The following NAV2 variants were observed in gnomAD, a reference collection of about 807,000 sequenced individuals.
NAV2 encodes the protein neuron navigator 2.
In NAV2, 54 loss-of-function variants were observed where a neutral mutation model predicts 223.2. That is an observed-to-expected ratio of 0.24 (90% CI 0.19 to 0.30). NAV2 has a LOEUF of 0.30. Ranked by LOEUF, NAV2 falls within the 10% of genes least tolerant of loss-of-function variation. NAV2 has a pLI of 1.00. For missense variants in NAV2, 2,806 were observed against 3,147.5 expected (o/e 0.89, Z 2.60); for synonymous variants, 1,279 against 1,239.3 (o/e 1.03, Z -0.67).
At chr11:20,023,699 G>GT (rs2054741738) in intron 11 of NAV2, among the ~76,000 whole-genome samples, 5 of 144,572 alleles carry the variant, frequency 3.5e-5, no homozygotes, top group Middle Eastern at 3.2e-3. Flanking sequence ...CAAATTGCTG[G>GT]GTGTGTGTGT....
intron 1 of NAV2, among the ~76,000 whole-genome samples, chr11:19,406,876 C>A (rs942726267): frequency 4.6e-5 from 7 of 152,238 alleles, no homozygotes; most frequent in Admixed American, 4.6e-4. Flanking sequence ...TCTCACCTCT[C>A]TGACTCCAAA....
intron 1 of NAV2, among the ~76,000 whole-genome samples, chr11:19,468,205 C>G (rs1466163998): frequency 6.6e-6 from 1 of 152,196 alleles, no homozygotes; most frequent in East Asian, 1.9e-4. Flanking sequence ...TGCACTTGAA[C>G]TTCAGTTTTC....
intron 1 of NAV2, among the ~76,000 whole-genome samples, chr11:19,498,150 A>G (rs1290324680): frequency 6.6e-6 from 1 of 152,214 alleles, no homozygotes; most frequent in Non-Finnish European, 1.5e-5. Flanking sequence ...TGATGGCTCC[A>G]GTCTCTCTGG....
chr11:19,548,876 CAAAA>C (rs10709105), intron 1 of NAV2, among the ~76,000 whole-genome samples: 3 of 78,614 alleles, frequency 3.8e-5, no homozygotes, highest in East Asian at 4.0e-4. Context: ...GGCTCCGTCT[CAAAA>C]AAAAAAAAAA....
chr11:19,748,948 CA>C (rs1194340559), intron 1 of NAV2, among the ~76,000 whole-genome samples: 1 of 152,218 alleles, frequency 6.6e-6, no homozygotes, highest in Non-Finnish European at 1.5e-5. Context: ...TGGTGACTGG[CA>C]AAAGCCAGGG....
At chr11:19,563,205 CA>C (rs1447438840) in intron 1 of NAV2, among the ~76,000 whole-genome samples, 5 of 152,142 alleles carry the variant, frequency 3.3e-5, no homozygotes, top group Non-Finnish European at 7.4e-5. Flanking sequence ...AAACCAAGAC[CA>C]GGGAAAAGAA....
chr11:19,492,670 C>T (rs2042668787), intron 1 of NAV2, among the ~76,000 whole-genome samples: 2 of 152,236 alleles, frequency 1.3e-5, no homozygotes, highest in South Asian at 2.1e-4. Context: ...TTTTGACTTC[C>T]TCTGTCCTAT....
intron 6 of NAV2, among the ~76,000 whole-genome samples, chr11:19,901,650 TAGC>T (rs2042456133): frequency 6.6e-6 from 1 of 152,200 alleles, no homozygotes; most frequent in Non-Finnish European, 1.5e-5. Flanking sequence ...GCCTAGCACA[TAGC>T]AGGAGATTAA....
intron 1 of NAV2, among the ~76,000 whole-genome samples, chr11:19,703,478 G>C (rs376748933): frequency 5.3e-5 from 8 of 152,208 alleles, no homozygotes; most frequent in African/African-American, 1.9e-4. Flanking sequence ...TCAGTGCCTG[G>C]TGGCCCTGCA....
intron 1 of NAV2, among the ~76,000 whole-genome samples, chr11:19,768,387 T>C (rs895322410): frequency 9.9e-5 from 15 of 152,006 alleles, no homozygotes; most frequent in Admixed American, 6.5e-5. Context: ...GAAGTAGAGT[T>C]TGATGAGTTC....
intron 6 of NAV2, among the ~76,000 whole-genome samples, chr11:19,929,996 A>G (rs970485895): frequency 1.3e-5 from 2 of 152,158 alleles, no homozygotes; most frequent in African/African-American, 4.8e-5. Flanking sequence ...AGAGCCCTCT[A>G]CCACTTTTTA....
At chr11:19,363,342 TG>T (rs1305729358) in intron 1 of NAV2, among the ~76,000 whole-genome samples, 1 of 152,200 alleles carries the variant, frequency 6.6e-6, no homozygotes, top group Non-Finnish European at 1.5e-5. Context: ...TAGTATTCCA[TG>T]GTGTACATGT....
At chr11:19,361,142 T>G (rs1470497710) in intron 1 of NAV2, among the ~76,000 whole-genome samples, 1 of 150,204 alleles carries the variant, frequency 6.7e-6, no homozygotes, top group Non-Finnish European at 1.5e-5. Flanking sequence ...CTTGTAGGGT[T>G]GTATTAGGTT....
chr11:19,898,042 C>A (rs1201698980), intron 6 of NAV2, among the ~76,000 whole-genome samples: 2 of 151,882 alleles, frequency 1.3e-5, no homozygotes, highest in African/African-American at 2.4e-5. Flanking sequence ...TACGTGTTTT[C>A]TCTTCCTGTC....
chr11:19,604,369 G>A (rs1006300279), intron 1 of NAV2, among the ~76,000 whole-genome samples: 4 of 151,952 alleles, frequency 2.6e-5, no homozygotes, highest in Non-Finnish European at 5.9e-5. Flanking sequence ...AGAGTTGATA[G>A]GATTTATTAA....
intron 20 of NAV2, among the ~76,000 whole-genome samples, chr11:20,064,831 G>A (rs181654459): frequency 2.0e-5 from 3 of 152,224 alleles, no homozygotes; most frequent in African/African-American, 4.8e-5. Context: ...TAATCATAGC[G>A]TTCTTCTCAC....
chr11:19,531,247 T>A (rs1046574929), intron 1 of NAV2, among the ~76,000 whole-genome samples: 23 of 152,130 alleles, frequency 1.5e-4, no homozygotes, highest in African/African-American at 5.6e-4. Flanking sequence ...GAAAGAAATA[T>A]ATGTAATAGC....
chr11:19,584,843 A>T (rs1554968330), intron 1 of NAV2, among the ~76,000 whole-genome samples: 1 of 152,176 alleles, frequency 6.6e-6, no homozygotes, highest in Non-Finnish European at 1.5e-5. Flanking sequence ...TGCTGAAAAG[A>T]ATGTATATTC....
At position 19,939,645 on chromosome 11, in the gene NAV2, C is replaced by T. The variant is rs760456765; in HGVS notation, c.2034-16C>T. ...CCTCTCATGACAAGTGTGTCTGCTT[C>T]GGTTTGTGTGTGAAGGTCTCAGACG... On this transcript the variant is annotated splice_polypyrimidine_tract_variant and intron_variant, in intron 7 of 37. Coordinates refer to ENST00000349880, the MANE Select transcript of NAV2 (RefSeq NM_145117.5). 7 of 1,607,932 alleles carry T rather than the reference C, an allele frequency of 4.4e-6. No homozygotes were observed. Among genetic ancestry groups the T allele is most frequent in the East Asian group, 2.2e-5 (1 of 44,832 alleles).
Sources: allele counts gnomAD v4.1 joint callset (sites outside exome capture counted in the v4.1 genomes callset), GRCh38; gene constraint gnomAD v4.1.1; transcripts MANE v1.5; gene names NCBI Gene and HGNC (gene_info 2026-07-23, HGNC 2026-07-21).